PBX1: variants seen among roughly 807,000 people sequenced by gnomAD.
PBX1 encodes PBX homeobox 1, also known as pre-B-cell leukemia transcription factor 1.
Under a neutral mutation model 53.4 loss-of-function variants are expected in PBX1, and 6 were observed. The ratio of observed to expected loss-of-function variants is 0.11; its 90% CI spans 0.06 to 0.22. PBX1 has a LOEUF of 0.22. Among genes scored for constraint, PBX1 ranks in the 10% least tolerant of loss-of-function variants. The pLI is 1.00. For missense variants in PBX1, 251 were observed against 551.4 expected, an observed-to-expected ratio of 0.46 and a Z score of 5.46; for synonymous variants, 204 against 212.3, an observed-to-expected ratio of 0.96 and a Z score of 0.34.
At chr1:164,853,666 C>A (rs1037567576), downstream of PBX1, among the ~76,000 whole-genome samples, 3 of 152,134 alleles carry the variant, frequency 2.0e-5, no homozygotes, top group African/African-American at 7.2e-5. Flanking sequence ...TAGCACCGAG[C>A]CTGTGGTCAT....
intron 8 of PBX1, among the ~76,000 whole-genome samples, chr1:164,844,039 A>G (rs1330672996): frequency 2.0e-5 from 3 of 151,754 alleles, no homozygotes; most frequent in African/African-American, 7.3e-5. Flanking sequence ...CACTGCTTTC[A>G]TAGAGCTTCC....
intron 2 of PBX1, among the ~76,000 whole-genome samples, chr1:164,790,123 C>T (rs1668418469): frequency 6.6e-6 from 1 of 152,104 alleles, no homozygotes; most frequent in Non-Finnish European, 1.5e-5. Context: ...CTTTTCGGTG[C>T]CTTTAGGGCC....
chr1:164,806,219 T>C (rs984826510), intron 4 of PBX1, among the ~76,000 whole-genome samples: 7 of 152,192 alleles, frequency 4.6e-5, no homozygotes, highest in Non-Finnish European at 8.8e-5. Context: ...CAGGCCTTCA[T>C]TGTCAGGAAG....
intron 2 of PBX1, among the ~76,000 whole-genome samples, chr1:164,716,615 G>A (rs1275432998): frequency 6.6e-6 from 1 of 151,262 alleles, no homozygotes; most frequent in Non-Finnish European, 1.5e-5. Flanking sequence ...AACACTTTGG[G>A]AGGCCAAAGC....
chr1:164,670,817 C>T (rs1384372047), intron 2 of PBX1, among the ~76,000 whole-genome samples: 1 of 152,178 alleles, frequency 6.6e-6, no homozygotes, highest in African/African-American at 2.4e-5. Flanking sequence ...GGACAGTGAA[C>T]AAAGCATTGG....
chr1:164,739,825 T>A (rs538355661), intron 2 of PBX1, among the ~76,000 whole-genome samples: 9 of 152,138 alleles, frequency 5.9e-5, no homozygotes, highest in African/African-American at 2.2e-4. Context: ...AGTGTTCATT[T>A]GTCTGAGAAC....
Position 164,812,049 on chromosome 1 carries a change from A to G in PBX1, c.897A>G (p.Gln299=), listed in dbSNP as rs1314271113. 2.5e-6 allele frequency: 4 copies of G among 1,613,952 alleles called. No homozygotes were observed. The highest frequency in any genetic ancestry group is 2.2e-5 in the East Asian group (1 of 44,870). ...ACAAGAAGAACATAGGTAAATTTCA[A>G]GAGGAAGCCAATATTTATGCTGCCA... ...IRYKKNIGKF[Q]EEANIYAAKT... The change falls in exon 6 of 9, where the codon CAA becomes CAG. Residue 299 remains glutamine (Q), a synonymous_variant. Transcript: ENST00000420696.
chr1:164,684,602 G>C (rs1386406164), intron 2 of PBX1: 1 of 152,136 alleles, frequency 6.6e-6, no homozygotes, highest in Non-Finnish European at 1.5e-5. Context: ...TAGATTCATA[G>C]ACCCAAATGA....
intron 2 of PBX1, chr1:164,576,953 G>A (rs1242788104): frequency 6.9e-6 from 1 of 144,998 alleles, no homozygotes; most frequent in Admixed American, 6.8e-5. Flanking sequence ...CCTCGGTGGT[G>A]GTGGTTTTGC....
intron 5 of PBX1, among the ~76,000 whole-genome samples, chr1:164,811,437 G>C (rs961915546): frequency 3.3e-5 from 5 of 152,190 alleles, no homozygotes; most frequent in African/African-American, 9.7e-5. Flanking sequence ...AAAATAGTCA[G>C]TGAAATCTGG....
In PBX1 at chr1:164,862,466, G is replaced by T. The variant is rs146382359; in HGVS notation, n.257+30983G>T. Among the ~76,000 whole-genome samples the T allele has an allele frequency of 7.4e-3, 1,121 of 152,226 alleles. 10 individuals carry two copies. The highest frequency in any genetic ancestry group is 0.026 in the African/African-American group (1,083 of 41,534). ...TCTTCCGAACCAAGAACACTTTTAT[G>T]TCAGCTTAGTTCAAACATTGATACT... On this transcript the variant is annotated intron_variant and non_coding_transcript_variant, in intron 2 of 2. Transcript: ENST00000558796.
At chr1:164,870,210 T>TTCCTTCC (rs1180229062) in intron 2 of PBX1, among the ~76,000 whole-genome samples, 1 of 64,466 alleles carries the variant, frequency 1.6e-5, no homozygotes, top group South Asian at 5.6e-4. Flanking sequence ...CTTTCTTTCT[T>TTCCTTCC]TTCTTTCTTT....
intron 2 of PBX1, among the ~76,000 whole-genome samples, chr1:164,884,163 A>T (rs1323122936): frequency 6.6e-6 from 1 of 152,250 alleles, no homozygotes; most frequent in Non-Finnish European, 1.5e-5. Flanking sequence ...TGCTATGAAG[A>T]TTAAACAAGC....
chr1:164,858,840 G>A (rs940865763), intron 2 of PBX1, among the ~76,000 whole-genome samples: 2 of 152,140 alleles, frequency 1.3e-5, no homozygotes, highest in Non-Finnish European at 2.9e-5. Context: ...ACAAAACTAC[G>A]CTGTTATTGA....
intron 8 of PBX1, among the ~76,000 whole-genome samples, chr1:164,825,774 C>T (rs1482248845): frequency 6.6e-6 from 1 of 152,146 alleles, no homozygotes; most frequent in East Asian, 1.9e-4. Flanking sequence ...TTCTTTCACT[C>T]CTCCTATCCT....
chr1:164,617,402 G>A (rs1657352600), intron 2 of PBX1, among the ~76,000 whole-genome samples: 1 of 152,198 alleles, frequency 6.6e-6, no homozygotes, highest in African/African-American at 2.4e-5. Flanking sequence ...GTTCAGTAAT[G>A]TTTTCTTTCC....
At chr1:164,758,515 A>C (rs539454141) in intron 2 of PBX1, among the ~76,000 whole-genome samples, 2 of 152,274 alleles carry the variant, frequency 1.3e-5, no homozygotes, top group African/African-American at 4.8e-5. Flanking sequence ...TCCCCAGCAG[A>C]GGATGGGTGG....
chr1:164,816,311 A>T (rs1381421935), intron 6 of PBX1: 2 of 152,184 alleles, frequency 1.3e-5, no homozygotes. Context: ...CATGGGACAT[A>T]ATTTAAGCTT....
intron 8 of PBX1, chr1:164,829,266 C>T (rs1670631741): frequency 6.6e-6 from 1 of 152,176 alleles, no homozygotes; most frequent in African/African-American, 2.4e-5. Context: ...CATTTACACA[C>T]ATATAATCAT....
Sources: allele counts gnomAD v4.1 joint callset (sites outside exome capture counted in the v4.1 genomes callset), GRCh38; gene constraint gnomAD v4.1.1; transcripts MANE v1.5; gene names NCBI Gene and HGNC (gene_info 2026-07-23, HGNC 2026-07-21).